KMT5C: variants seen among roughly 807,000 people sequenced by gnomAD.
KMT5C encodes histone-lysine N-methyltransferase KMT5C.
Under a neutral mutation model 38.2 loss-of-function variants are expected in KMT5C, and 16 were observed. That is an observed-to-expected ratio of 0.42 (90% CI 0.28 to 0.64). KMT5C has a LOEUF of 0.64. Ranked by LOEUF, KMT5C falls within the 30% of genes least tolerant of loss-of-function variation. The pLI is 0.23. For synonymous variants in KMT5C, 291 were observed against 279.0 expected (o/e 1.04, Z -0.43); for missense variants, 598 against 665.1 (o/e 0.90, Z 1.11).
In KMT5C at chr19:55,346,388, G is replaced by A. The variant is rs199755841; in HGVS notation, c.707+39G>A. On this transcript the variant is annotated intron_variant, in intron 7 of 8. Transcript: ENST00000255613. ...AGAGGCGGCTGGGTTCGGGTCGTCT[G>A]GGCTTCTTGAGCCCAGAAACGCACC... 6.5e-4 allele frequency: 1,053 copies of A among 1,613,254 alleles called. 7 individuals are homozygous for A. In the Admixed American group the frequency reaches 0.015, roughly 23 times the overall value.
Position 55,342,723 on chromosome 19 carries a change from CCACCCT to C in KMT5C, c.277-8_277-3del. 1 of 1,444,516 alleles carries C rather than the reference CCACCCT, an allele frequency of 6.9e-7. No homozygotes were observed. The highest frequency in any genetic ancestry group is 1.1e-5 in the South Asian group (1 of 87,618). The allele number at this position is 1,444,516 out of a possible 1,614,324, so 89.5% of individuals were successfully genotyped here. ...ATGCCCCTGCCCCGCCTCCTCACCC[CCACCCT>C]CACCCTCACCAGGTCTATCGCTACC... On this transcript the variant is annotated splice_polypyrimidine_tract_variant and intron_variant, in intron 3 of 8. Coordinates refer to ENST00000255613, the MANE Select transcript of KMT5C (RefSeq NM_032701.4).
chr19:55,346,079 C>A, intron 6 of KMT5C, 134 bp from the exon 7 acceptor site: 1 of 1,096,264 alleles, frequency 9.1e-7, no homozygotes, highest in Non-Finnish European at 1.3e-6. Flanking sequence ...CCTCGGAATG[C>A]CACTTTTAGG....
chr19:55,344,775 A>T (rs989829960), intron 6 of KMT5C: 2 of 528,278 alleles, frequency 3.8e-6, no homozygotes, highest in Admixed American at 3.9e-5. Flanking sequence ...AGCAGAAGGA[A>T]TCAGGAGGGT....
Position 55,343,576 on chromosome 19 carries a change from G to C in KMT5C, c.387-104G>C, listed in dbSNP as rs1383332923. The C allele has an allele frequency of 8.9e-7, 1 of 1,126,004 alleles. No individual in the cohort carries two copies. Among genetic ancestry groups the C allele is most frequent in the Admixed American group, 2.3e-5 (1 of 44,332 alleles). The allele number at this position is 1,126,004 out of a possible 1,614,324, so 69.8% of individuals were successfully genotyped here. On this transcript the variant is annotated intron_variant, in intron 4 of 8. Coordinates refer to ENST00000255613, the MANE Select transcript of KMT5C (RefSeq NM_032701.4). The surrounding 1 kb of genome is among the most constrained non-coding windows in gnomAD (Gnocchi z 5.5). ...GCCAATAGCCAGCACCAGCGCCCAG[G>C]AGTCCCTCCTTCCTGGGTGCCTCTG...
At chr19:55,346,891 G>A (rs1443319398) in intron 8 of KMT5C, 65 bp from the exon 9 acceptor site, 2 of 775,976 alleles carry the variant, frequency 2.6e-6, no homozygotes, top group Non-Finnish European at 4.4e-6. Context: ...AGGAGGACCG[G>A]CCCAGCTTGC....
chr19:55,342,945 G>GA (rs1004246871), intron 4 of KMT5C, 94 bp downstream of exon 4: 1 of 801,734 alleles, frequency 1.2e-6, no homozygotes, highest in South Asian at 1.4e-5. Context: ...GCCAACCGGG[G>GA]AAAAGCGAGG....
chr19:55,346,657 C>A lies in KMT5C; in HGVS notation c.865C>A (p.Pro289Thr), dbSNP rs1300713224. 1.3e-6 allele frequency: 2 copies of A among 1,575,788 alleles called. No individual in the cohort carries two copies. Among genetic ancestry groups the A allele is most frequent in the Non-Finnish European group, 8.6e-7 (1 of 1,161,624 alleles). The change falls in exon 8 of 9, where the codon CCA becomes ACA. Residue 289 changes from proline (P) to threonine (T), a missense_variant. Pro to Thr is a conservative substitution (Grantham distance 38, BLOSUM62 -1). Coordinates refer to ENST00000255613, the MANE Select transcript of KMT5C (RefSeq NM_032701.4). The stretch of plus-strand genomic sequence containing the variant: ...GCTGGGCCCTCGGGCCTGCGTGCAC[C>A]CATCCCCGCTGCGCCGGGACCCATT... ...GLLGPRACVHPSPLRRDPFCA... is the reference protein window; with the variant it reads ...GLLGPRACVHTSPLRRDPFCA...
At chr19:55,346,084 T>C in intron 6 of KMT5C, 129 bp from the exon 7 acceptor site, 1 of 1,135,868 alleles carries the variant, frequency 8.8e-7, no homozygotes, top group Non-Finnish European at 1.3e-6. Flanking sequence ...GAATGCCACT[T>C]TTAGGGGCTC....
In KMT5C at chr19:55,346,416, C is replaced by A; in HGVS notation, c.707+67C>A. On this transcript the variant is annotated intron_variant, in intron 7 of 8. Coordinates refer to ENST00000255613, the MANE Select transcript of KMT5C (RefSeq NM_032701.4). ...CTTCTTGAGCCCAGAAACGCACCCTCGGGACCCATCCCTGAGTGTGTCCAA... is the reference window on the plus strand; with the variant it reads ...CTTCTTGAGCCCAGAAACGCACCCTAGGGACCCATCCCTGAGTGTGTCCAA... 1.9e-6 allele frequency: 3 copies of A among 1,610,486 alleles called. No individual in the cohort carries two copies. The East Asian group carries it at 6.7e-5, about 36-fold the overall frequency.
intron 6 of KMT5C, 182 bp from the exon 7 acceptor site, chr19:55,346,031 G>C (rs1186987376): frequency 9.2e-6 from 6 of 652,038 alleles, no homozygotes; most frequent in Non-Finnish European, 1.6e-5. Context: ...ATTGTCCAGG[G>C]GCTACAGGCA....
rs115468945 is a variant in KMT5C at position 55,343,193 on chromosome 19, C to T, written c.386+342C>T. 5 of 358,994 alleles carry T rather than the reference C, an allele frequency of 1.4e-5. No homozygotes were observed. Among genetic ancestry groups the T allele is most frequent in the African/African-American group, 6.3e-5 (3 of 47,744 alleles). 22.2% of individuals were successfully genotyped at this position (358,994 alleles called of 1,614,324 possible). On this transcript the variant is annotated intron_variant, in intron 4 of 8. Coordinates refer to ENST00000255613, the MANE Select transcript of KMT5C (RefSeq NM_032701.4). The surrounding 1 kb of genome is among the most constrained non-coding windows in gnomAD (Gnocchi z 5.5). Reference sequence around the variant, plus strand: ...TGAGGAGCCCCTGCCCCTGCCCCTGCGGGGTTCACAGTCTGGTGAGGAGGT... The same window carrying T: ...TGAGGAGCCCCTGCCCCTGCCCCTGTGGGGTTCACAGTCTGGTGAGGAGGT...
At chr19:55,344,367 A>C in intron 6 of KMT5C, 1 of 276,728 alleles carries the variant, frequency 3.6e-6, no homozygotes, top group South Asian at 3.5e-5. Context: ...GTCTCAAAAA[A>C]AAAAAAAAAA....
In KMT5C at chr19:55,341,956, C is replaced by A; in HGVS notation, c.20C>A (p.Thr7Lys). 1 of 1,613,476 alleles carries A rather than the reference C, an allele frequency of 6.2e-7. No individual in the cohort carries two copies. Among genetic ancestry groups the A allele is most frequent in the Middle Eastern group, 1.7e-4 (1 of 6,058 alleles). ...GGCACCATGGGGCCCGACAGAGTGA[C>A]AGCACGAGAACTGTGCGAGAACGAC... MGPDRV[T>K]ARELCENDDL... The change falls in exon 2 of 9, where the codon ACA (threonine) becomes AAA (lysine). Residue 7 changes from threonine (T) to lysine (K), a missense_variant. Thr to Lys is a moderately conservative substitution (Grantham distance 78). Coordinates refer to ENST00000255613, the MANE Select transcript of KMT5C (RefSeq NM_032701.4).
At position 55,343,605 on chromosome 19, in the gene KMT5C, C is replaced by T. The variant is rs954998043; in HGVS notation, c.387-75C>T. ...CCCTCCTTCCTGGGTGCCTCTGTGC[C>T]GGAGGCCCGAGTCCCCTGAACACCT... On this transcript the variant is annotated intron_variant, in intron 4 of 8. Transcript: ENST00000255613. This position sits in a 1 kb window ranked among gnomAD's most constrained non-coding sequence, Gnocchi z 5.5. The T allele has an allele frequency of 1.5e-5, 22 of 1,461,926 alleles. No individual in the cohort carries two copies. The highest frequency in any genetic ancestry group is 3.7e-5 in the South Asian group (3 of 81,120). The allele number at this position is 1,461,926 out of a possible 1,614,324, so 90.6% of individuals were successfully genotyped here. A position where few individuals can be genotyped will look rare whatever the true frequency, so the allele number is the denominator to read the frequency against.
At position 55,346,317 on chromosome 19, in the gene KMT5C, G is replaced by A. The variant is rs1261314750; in HGVS notation, c.675G>A (p.Lys225=). 7.4e-6 allele frequency: 12 copies of A among 1,614,086 alleles called. No individual in the cohort carries two copies. The highest frequency in any genetic ancestry group is 1.0e-5 in the Non-Finnish European group (12 of 1,179,962). ...ACGGCGAGGGCTTCTTCGGCGAGAA[G>A]AATGAGCACTGTGAATGCCACACCT... ...CFYGEGFFGE[K]NEHCECHTCE... is the part of the protein sequence containing the mutation. Residue 225 remains lysine (K), a synonymous_variant, in exon 7 of 9, where the codon AAG becomes AAA. Transcript: ENST00000255613.
Position 55,347,834 on chromosome 19 carries a change from A to T in KMT5C, c.*385A>T. On this transcript the variant is annotated 3_prime_UTR_variant, in exon 9 of 9. Transcript: ENST00000255613. The surrounding 1 kb of genome is among the most constrained non-coding windows in gnomAD (Gnocchi z 4.6). ...CCTCAGGAGGAGGTGGAACTGATGTAGGGGGTGGCACTCCCCAGAGACTGC... is the reference window on the plus strand; with the variant it reads ...CCTCAGGAGGAGGTGGAACTGATGTTGGGGGTGGCACTCCCCAGAGACTGC... 4.9e-6 allele frequency: 1 copy of T among 203,756 alleles called. No homozygotes were observed. The highest frequency in any genetic ancestry group is 9.8e-6 in the Non-Finnish European group (1 of 102,534). The allele number at this position is 203,756 out of a possible 1,614,324, so 12.6% of individuals were successfully genotyped here.
chr19:55,347,567 C>G lies in KMT5C; in HGVS notation c.*118C>G. ...GAGCTGACCCTTGACTCCAGCATAG[C>G]TCTGACCCTGGAATGGGGTTGGTTT... On this transcript the variant is annotated 3_prime_UTR_variant, in exon 9 of 9. Transcript: ENST00000255613. This position sits in a 1 kb window ranked among gnomAD's most constrained non-coding sequence, Gnocchi z 4.6. The G allele has an allele frequency of 1.4e-6, 2 of 1,412,344 alleles. No individual in the cohort carries two copies. The highest frequency in any genetic ancestry group is 1.8e-6 in the Non-Finnish European group (2 of 1,084,972). The allele number at this position is 1,412,344 out of a possible 1,614,324, so 87.5% of individuals were successfully genotyped here.
intron 6 of KMT5C, among the ~76,000 whole-genome samples, chr19:55,345,779 G>A (rs890853371): frequency 6.6e-6 from 1 of 152,186 alleles, no homozygotes; most frequent in African/African-American, 2.4e-5. Flanking sequence ...AGTGAGGCAG[G>A]CCTCAGAGAA....
Position 55,342,779 on chromosome 19 carries a change from GCTTTACCATCCTGC to G in KMT5C, c.316_329del (p.Phe106LeufsTer23). On this transcript the variant is annotated frameshift_variant, in exon 4 of 9. Coordinates refer to ENST00000255613, the MANE Select transcript of KMT5C (RefSeq NM_032701.4). LOFTEE classifies it high-confidence loss of function. ...CTCCGTGCCTTCCTGCCGGAAAGTGGCTTTACCATCCTGCCCTGCACGCGCTACTCCATGGAGAC... is the reference window on the plus strand; with the variant it reads ...CTCCGTGCCTTCCTGCCGGAAAGTGGCCTGCACGCGCTACTCCATGGAGAC... The G allele has an allele frequency of 6.2e-7, 1 of 1,613,474 alleles. No individual in the cohort carries two copies. The highest frequency in any genetic ancestry group is 8.5e-7 in the Non-Finnish European group (1 of 1,179,508).
Sources: gnomAD v4.1 joint callset for allele counts (sites outside exome capture counted in the v4.1 genomes callset) on GRCh38, gnomAD v4.1.1 for gene constraint, Gnocchi (gnomAD v3.1) non-coding constraint, MANE v1.5 for transcripts, NCBI Gene and HGNC (gene_info 2026-07-23, HGNC 2026-07-21) for gene names.